The following DLG2 variants were observed in gnomAD, a reference collection of about 807,000 sequenced individuals.
DLG2 encodes discs large MAGUK scaffold protein 2.
DLG2 carries 45 observed loss-of-function variants against 132.5 expected under a neutral mutation model. The observed-to-expected ratio is 0.34, with a 90% CI of 0.27 to 0.44. The LOEUF is 0.44. Among genes scored for constraint, DLG2 ranks in the 20% least tolerant of loss-of-function variants. DLG2 has a pLI of 1.00. For missense variants in DLG2, 1,045 were observed against 1,196.9 expected (o/e 0.87, Z 1.87); for synonymous variants, 424 against 419.6 (o/e 1.01, Z -0.13).
At position 84,324,806 on chromosome 11, in the gene DLG2, T is replaced by C. The variant is rs116743872; in HGVS notation, c.520-73515A>G. 8.0e-3 allele frequency among the ~76,000 whole-genome samples: 1,212 copies of C among 152,232 alleles called. 17 individuals are homozygous for C. The highest frequency in any genetic ancestry group is 0.028 in the African/African-American group (1,145 of 41,550). On this transcript the variant is annotated intron_variant, in intron 7 of 27. Coordinates refer to ENST00000376104, the MANE Select transcript of DLG2 (RefSeq NM_001142699.3). Reference sequence around the variant, plus strand: ...ATTGTAAATGGGATTGCTTTCTTAATTTCCTTTCATATATTTTACTGTTAG... The same window carrying C: ...ATTGTAAATGGGATTGCTTTCTTAACTTCCTTTCATATATTTTACTGTTAG...
chr11:84,855,032 T>C (rs1231041850), intron 6 of DLG2, among the ~76,000 whole-genome samples: 2 of 152,132 alleles, frequency 1.3e-5, no homozygotes, highest in Non-Finnish European at 1.5e-5. Flanking sequence ...CAGATTCAAA[T>C]GGAGGACAGG....
chr11:84,953,205 T>C (rs1164885768), intron 6 of DLG2, among the ~76,000 whole-genome samples: 1 of 152,222 alleles, frequency 6.6e-6, no homozygotes, highest in Non-Finnish European at 1.5e-5. Flanking sequence ...GGGTGTTTCC[T>C]ATAGTTCCTG....
chr11:83,843,305 T>A (rs1436451342), intron 16 of DLG2, among the ~76,000 whole-genome samples: 1 of 152,180 alleles, frequency 6.6e-6, no homozygotes, highest in East Asian at 1.9e-4. Context: ...TTCTCATCTA[T>A]CTAACGAGGT....
intron 6 of DLG2, among the ~76,000 whole-genome samples, chr11:84,939,357 T>C (rs77260179): frequency 0.11 from 17,127 of 152,160 alleles, 1,189 homozygotes; most frequent in African/African-American, 0.13. Context: ...TCAGAGTAAA[T>C]AGGGTATCTA....
At chr11:84,337,231 C>T (rs1022534965) in intron 7 of DLG2, among the ~76,000 whole-genome samples, 1 of 152,052 alleles carries the variant, frequency 6.6e-6, no homozygotes, top group Non-Finnish European at 1.5e-5. Flanking sequence ...AGGTATCTGG[C>T]CTACTTCTTA....
chr11:84,933,761 G>A (rs1282995600), intron 6 of DLG2, among the ~76,000 whole-genome samples: 1 of 152,186 alleles, frequency 6.6e-6, no homozygotes, highest in Non-Finnish European at 1.5e-5. Flanking sequence ...AAGCTTTTGG[G>A]CTGAGACTAT....
At position 84,256,503 on chromosome 11, in the gene DLG2, A is replaced by G. The variant is rs570292125; in HGVS notation, c.520-5212T>C. On this transcript the variant is annotated intron_variant, in intron 7 of 27. Coordinates refer to ENST00000376104, the MANE Select transcript of DLG2 (RefSeq NM_001142699.3). ...ACTAGATCAGCAAGAAATTAACAGT[A>G]ACACTCATGGTACTAGGAACTATGC... Among the ~76,000 whole-genome samples, 5 of 152,324 alleles carry G rather than the reference A, an allele frequency of 3.3e-5. No individual in the cohort carries two copies. The East Asian group carries it at 9.6e-4, about 29-fold the overall frequency.
intron 6 of DLG2, among the ~76,000 whole-genome samples, chr11:84,871,652 T>C (rs760871560): frequency 6.6e-6 from 1 of 152,142 alleles, no homozygotes; most frequent in Non-Finnish European, 1.5e-5. Flanking sequence ...ACTGGTGGGA[T>C]AGAGAACTGA....
intron 27 of DLG2, 123 bp downstream of exon 27, chr11:83,461,879 A>G: frequency 1.5e-6 from 1 of 687,452 alleles, no homozygotes; most frequent in Non-Finnish European, 2.7e-6. Context: ...TATGAAACAG[A>G]TATTAGGGAT....
At chr11:85,092,752 C>T (rs1489899642) in intron 6 of DLG2, among the ~76,000 whole-genome samples, 1 of 151,678 alleles carries the variant, frequency 6.6e-6, no homozygotes, top group Non-Finnish European at 1.5e-5. Flanking sequence ...AAGCAATTCT[C>T]CTGCCTCAGC....
intron 3 of DLG2, among the ~76,000 whole-genome samples, chr11:85,398,884 T>A (rs1596934159): frequency 6.6e-6 from 1 of 151,998 alleles, no homozygotes; most frequent in African/African-American, 2.4e-5. Flanking sequence ...TGAAACTATT[T>A]CAATCAATAG....
chr11:85,173,348 C>T (rs887939105), intron 4 of DLG2, among the ~76,000 whole-genome samples: 2 of 152,090 alleles, frequency 1.3e-5, no homozygotes, highest in Non-Finnish European at 2.9e-5. Context: ...TATTTCCAAC[C>T]CAGAATTTCA....
At chr11:84,480,610 G>A (rs2099134451) in intron 7 of DLG2, among the ~76,000 whole-genome samples, 1 of 152,062 alleles carries the variant, frequency 6.6e-6, no homozygotes, top group Admixed American at 6.6e-5. Context: ...AGAAATGCCT[G>A]GGTTTTGGAG....
intron 7 of DLG2, among the ~76,000 whole-genome samples, chr11:84,276,365 C>A (rs1388751559): frequency 2.0e-5 from 3 of 152,174 alleles, no homozygotes; most frequent in African/African-American, 7.2e-5. Flanking sequence ...TCTAAACTTC[C>A]TACTTTCTAA....
At chr11:84,616,703 T>A (rs758964247) in intron 6 of DLG2, among the ~76,000 whole-genome samples, 1 of 152,098 alleles carries the variant, frequency 6.6e-6, no homozygotes, top group South Asian at 2.1e-4. Flanking sequence ...AATGAATTGA[T>A]GATAATAACA....
At chr11:85,199,739 TAG>T (rs1331889164) in intron 4 of DLG2, among the ~76,000 whole-genome samples, 1 of 152,186 alleles carries the variant, frequency 6.6e-6, no homozygotes, top group East Asian at 1.9e-4. Flanking sequence ...AAACAATATA[TAG>T]AGTTCTAACC....
chr11:84,825,071 A>T (rs776229679), intron 6 of DLG2, among the ~76,000 whole-genome samples: 20 of 151,840 alleles, frequency 1.3e-4, no homozygotes, highest in Admixed American at 6.6e-4. Flanking sequence ...TCACCTATTT[A>T]TTATGGTTTA....
At position 83,518,138 on chromosome 11, in the gene DLG2, G is replaced by A. The variant is rs561730237; in HGVS notation, c.2193+14570C>T. ...CCAGAGGTGGAGTCTACAGAGGCAG[G>A]CAGGCCTCCTTGAGCTGTGGTGGGC... is the stretch of plus-strand genomic sequence containing the variant. On this transcript the variant is annotated intron_variant, in intron 21 of 27. Coordinates refer to ENST00000376104, the MANE Select transcript of DLG2 (RefSeq NM_001142699.3). 4.9e-3 allele frequency among the ~76,000 whole-genome samples: 748 copies of A among 152,338 alleles called. 1 individual carries two copies. Among genetic ancestry groups the A allele is most frequent in the Non-Finnish European group, 8.2e-3 (555 of 68,032 alleles).
chr11:85,242,728 T>G (rs2152680244), intron 4 of DLG2, among the ~76,000 whole-genome samples: 1 of 152,028 alleles, frequency 6.6e-6, no homozygotes, highest in African/African-American at 2.4e-5. Context: ...TTCTTATAAT[T>G]CTAATATCTT....
Sources: gnomAD v4.1 joint callset for allele counts (sites outside exome capture counted in the v4.1 genomes callset) on GRCh38, gnomAD v4.1.1 for gene constraint, MANE v1.5 for transcripts, NCBI Gene and HGNC (gene_info 2026-07-23, HGNC 2026-07-21) for gene names.